Variants in ACSM1 observed in about 807,000 individuals in gnomAD.
The protein encoded by ACSM1 is acyl-CoA synthetase medium chain family member 1, also known as acyl-coenzyme A synthetase ACSM1, mitochondrial.
ACSM1 carries 79 observed loss-of-function variants against 75.8 expected under a neutral mutation model. That is an observed-to-expected ratio of 1.04 (90% CI 0.87 to 1.26). ACSM1 has a LOEUF of 1.26. ACSM1 is among the 50% of genes most tolerant of loss of function. The pLI, the probability that ACSM1 is intolerant of heterozygous loss-of-function variation, is 0.00. For synonymous variants in ACSM1, 279 were observed against 265.8 expected (o/e 1.05, Z -0.48); for missense variants, 676 against 720.1 (o/e 0.94, Z 0.70).
At chr16:20,662,249 T>C (rs1171895678) in intron 6 of ACSM1, among the ~76,000 whole-genome samples, 1 of 152,144 alleles carries the variant, frequency 6.6e-6, no homozygotes, top group Non-Finnish European at 1.5e-5. Context: ...GAAGAGGTGG[T>C]ATTTAGTCAG....
At chr16:20,658,495 C>A (rs369058449) in intron 7 of ACSM1, among the ~76,000 whole-genome samples, 69 of 151,434 alleles carry the variant, frequency 4.6e-4, no homozygotes, top group Middle Eastern at 6.8e-3. Flanking sequence ...TAGAAGTAAT[C>A]AATGCCTGTC....
intron 6 of ACSM1, among the ~76,000 whole-genome samples, chr16:20,662,310 T>A (rs555743093): frequency 5.3e-5 from 8 of 152,218 alleles, no homozygotes; most frequent in Non-Finnish European, 8.8e-5. Flanking sequence ...TGGGAGTCTC[T>A]TGGAGATAGA....
At position 20,685,819 on chromosome 16, in the gene ACSM1, C is replaced by CAAAAAAA. The variant is rs71842093; in HGVS notation, c.193-423_193-417dup. 1.6e-3 allele frequency among the ~76,000 whole-genome samples: 81 copies of CAAAAAAA among 50,136 alleles called. 12 individuals carry two copies. The highest frequency in any genetic ancestry group is 1.8e-3 in the Non-Finnish European group (55 of 30,842). 32.9% of individuals were successfully genotyped at this position (50,136 alleles called of 152,430 possible). On this transcript the variant is annotated intron_variant, in intron 2 of 13. Transcript: ENST00000520010. ...TGGATGACACAGTGAGACTCCGTCT[C>CAAAAAAA]AAAAAAAAAAAACAAACAAAAAAAA...
chr16:20,637,173 G>T (rs763026382), intron 9 of ACSM1, 198 bp downstream of exon 9: 6 of 764,380 alleles, frequency 7.8e-6, no homozygotes, highest in African/African-American at 1.7e-5. Context: ...TGCCCTGGCT[G>T]CCAGGGTCAG....
intron 7 of ACSM1, among the ~76,000 whole-genome samples, chr16:20,645,736 T>G (rs2018324860): frequency 6.6e-6 from 1 of 152,034 alleles, no homozygotes; most frequent in South Asian, 2.1e-4. Flanking sequence ...AGACCCTCAT[T>G]GGGACGCAGA....
At chr16:20,636,898 C>A in intron 9 of ACSM1, 58 bp from the exon 10 acceptor site, 1 of 1,285,330 alleles carries the variant, frequency 7.8e-7, no homozygotes. Context: ...TTCTGCCCCA[C>A]CCAAGCACTG....
chr16:20,684,126 C>CA (rs1391570557), intron 3 of ACSM1, among the ~76,000 whole-genome samples: 2 of 151,812 alleles, frequency 1.3e-5, no homozygotes, highest in African/African-American at 4.8e-5. Context: ...TCTATATAGA[C>CA]AAAAAATAAG....
intron 2 of ACSM1, 107 bp downstream of exon 2, chr16:20,690,882 CTGATAAGT>C: frequency 1.0e-6 from 1 of 989,340 alleles, no homozygotes; most frequent in East Asian, 2.8e-5. Flanking sequence ...TTCCACAACA[CTGATAAGT>C]TGAGGCAGAA....
chr16:20,691,075 T>G lies in ACSM1; in HGVS notation c.114A>C (p.Pro38=). The G allele has an allele frequency of 6.2e-7, 1 of 1,613,804 alleles. No individual in the cohort carries two copies. Among genetic ancestry groups the G allele is most frequent in the African/African-American group, 1.3e-5 (1 of 75,042 alleles). The part of the protein sequence containing the change: ...RCRSLSEFGA[P]RWNDYEVPEE... ...CCGGTACTTCATAGTCATTCCATCT[T>G]GGGGCTCCAAATTCTGATAAAGACC... Residue 38 remains proline (P), a synonymous_variant, in exon 2 of 14, where the codon CCA becomes CCC. Transcript: ENST00000520010.
chr16:20,655,833 T>C (rs114376196), intron 7 of ACSM1, among the ~76,000 whole-genome samples: 2,171 of 152,220 alleles, frequency 0.014, 54 homozygotes, highest in African/African-American at 0.05. Context: ...TGGCTAATTT[T>C]TCTATTTTTA....
intron 7 of ACSM1, among the ~76,000 whole-genome samples, chr16:20,644,578 CAT>C (rs1024823193): frequency 1.1e-4 from 16 of 142,258 alleles, no homozygotes; most frequent in African/African-American, 1.6e-4. Flanking sequence ...CACACACACA[CAT>C]AATGGGTATT....
At chr16:20,672,793 A>G (rs2020027518) in intron 4 of ACSM1, among the ~76,000 whole-genome samples, 1 of 121,056 alleles carries the variant, frequency 8.3e-6, no homozygotes, top group Non-Finnish European at 1.6e-5. Context: ...AATTATGTAC[A>G]AAATATGTAT....
chr16:20,637,796 A>C (rs1185341509), intron 8 of ACSM1, among the ~76,000 whole-genome samples: 1 of 152,244 alleles, frequency 6.6e-6, no homozygotes, highest in African/African-American at 2.4e-5. Context: ...GGCATGTGTC[A>C]GTTTGCTAGG....
intron 10 of ACSM1, among the ~76,000 whole-genome samples, chr16:20,630,431 A>G (rs2017276887): frequency 6.6e-6 from 1 of 152,192 alleles, no homozygotes; most frequent in South Asian, 2.1e-4. Flanking sequence ...ATAAAAAATG[A>G]TATTGTCTAT....
chr16:20,678,011 A>AAAATAAATAAATAAATAAATAAAT lies in ACSM1; in HGVS notation c.611+4221_611+4244dup, dbSNP rs146714630. On this transcript the variant is annotated intron_variant, in intron 4 of 13. Coordinates refer to ENST00000520010, the MANE Select transcript of ACSM1 (RefSeq NM_001318890.3). The stretch of plus-strand genomic sequence containing the variant: ...CCATAAAGGAAGAATACTAAAGGCT[A>AAAATAAATAAATAAATAAATAAAT]AAATAAATAAATAAATAAATAAATA... Among the ~76,000 whole-genome samples, 1,094 of 143,800 alleles carry AAAATAAATAAATAAATAAATAAAT rather than the reference A, an allele frequency of 7.6e-3. 15 individuals carry two copies. The highest frequency in any genetic ancestry group is 0.022 in the African/African-American group (815 of 37,778). 94.3% of individuals were successfully genotyped at this position (143,800 alleles called of 152,430 possible). A position where few individuals can be genotyped will look rare whatever the true frequency, so the allele number is the denominator to read the frequency against.
At position 20,641,731 on chromosome 16, in the gene ACSM1, T is replaced by C. The variant is rs145359773; in HGVS notation, c.993-1147A>G. Reference sequence around the variant, plus strand: ...AATCCTTTGGCTCTGCCAGACTTCATTGCCCCCACAACCTGGTGTTGGGCC... The same window carrying C: ...AATCCTTTGGCTCTGCCAGACTTCACTGCCCCCACAACCTGGTGTTGGGCC... On this transcript the variant is annotated intron_variant, in intron 7 of 13. Transcript: ENST00000520010. Among the ~76,000 whole-genome samples the C allele has an allele frequency of 1.1e-4, 17 of 152,286 alleles. No homozygotes were observed. The East Asian group carries it at 3.3e-3, about 29-fold the overall frequency.
At chr16:20,660,745 T>G (rs994928172) in intron 7 of ACSM1, among the ~76,000 whole-genome samples, 2 of 152,242 alleles carry the variant, frequency 1.3e-5, no homozygotes, top group Admixed American at 1.3e-4. Flanking sequence ...TTAGCTCTGA[T>G]TTTTGAACTA....
At chr16:20,632,450 A>T (rs937820181) in intron 10 of ACSM1, among the ~76,000 whole-genome samples, 8 of 152,198 alleles carry the variant, frequency 5.3e-5, no homozygotes, top group Non-Finnish European at 8.8e-5. Flanking sequence ...AAATGGAAAA[A>T]CTACTGGAAA....
chr16:20,633,757 C>T (rs55645671), intron 10 of ACSM1, among the ~76,000 whole-genome samples: 3 of 151,944 alleles, frequency 2.0e-5, no homozygotes, highest in Non-Finnish European at 4.4e-5. Flanking sequence ...AGGCCAGGCG[C>T]GGTAGCTCAC....
Sources: allele counts gnomAD v4.1 joint callset (sites outside exome capture counted in the v4.1 genomes callset), GRCh38; gene constraint gnomAD v4.1.1; transcripts MANE v1.5; gene names NCBI Gene and HGNC (gene_info 2026-07-23, HGNC 2026-07-21).